Variants in SH3BP4 observed in about 807,000 individuals in gnomAD.
The protein encoded by SH3BP4 is SH3 domain binding protein 4.
In SH3BP4, 33 loss-of-function variants were observed where a neutral mutation model predicts 65.5. The observed-to-expected ratio is 0.50, with a 90% CI of 0.38 to 0.67. The LOEUF (loss-of-function observed/expected upper bound fraction) is 0.67. SH3BP4 is among the 30% of genes least tolerant of loss of function. SH3BP4 has a pLI of 0.00. For missense variants in SH3BP4, 1,134 were observed against 1,261.4 expected, an observed-to-expected ratio of 0.90 and a Z score of 1.53; for synonymous variants, 552 against 545.5, an observed-to-expected ratio of 1.01 and a Z score of -0.17.
At position 234,952,304 on chromosome 2, in the gene SH3BP4, C is replaced by A. The variant is rs1273336629; in HGVS notation, c.-207+134C>A. 6.6e-6 allele frequency: 1 copy of A among 150,484 alleles called. No individual in the cohort carries two copies. The highest frequency in any genetic ancestry group is 2.4e-5 in the African/African-American group (1 of 41,182). 9.3% of individuals were successfully genotyped at this position (150,484 alleles called of 1,614,324 possible). Reference sequence around the variant, plus strand: ...CCGCGGGCGCCGATCGTGCCACCGCCGCCTGAGTTCGGGGCTGCGCGGGTG... The same window carrying A: ...CCGCGGGCGCCGATCGTGCCACCGCAGCCTGAGTTCGGGGCTGCGCGGGTG... On this transcript the variant is annotated intron_variant, in intron 1 of 5. Coordinates refer to ENST00000392011, the MANE Select transcript of SH3BP4 (RefSeq NM_014521.3). This position sits in a 1 kb window ranked among gnomAD's most constrained non-coding sequence, Gnocchi z 6.5.
intron 2 of SH3BP4, among the ~76,000 whole-genome samples, chr2:235,005,367 C>T (rs1341005188): frequency 1.3e-5 from 2 of 152,094 alleles, no homozygotes; most frequent in East Asian, 1.9e-4. Context: ...CTGGGGCTCA[C>T]TCCGGCTCCC....
chr2:234,984,367 A>G (rs919491433), intron 1 of SH3BP4, among the ~76,000 whole-genome samples: 3 of 151,084 alleles, frequency 2.0e-5, no homozygotes, highest in Admixed American at 6.6e-5. Flanking sequence ...ATGCCTGGCT[A>G]ATTTTTTTTT....
chr2:234,957,123 C>A (rs150569241), intron 1 of SH3BP4, among the ~76,000 whole-genome samples: 249 of 152,262 alleles, frequency 1.6e-3, no homozygotes, highest in African/African-American at 5.7e-3. Context: ...CAGATTCAAG[C>A]TGTTCTCCTA....
rs899922608 is a variant in SH3BP4 at position 235,033,940 on chromosome 2, T to C, written c.-132-931T>C. Among the ~76,000 whole-genome samples, 3 of 152,270 alleles carry C rather than the reference T, an allele frequency of 2.0e-5. No individual in the cohort carries two copies. The highest frequency in any genetic ancestry group is 7.2e-5 in the African/African-American group (3 of 41,552). On this transcript the variant is annotated intron_variant, in intron 2 of 5. Coordinates refer to ENST00000392011, the MANE Select transcript of SH3BP4 (RefSeq NM_014521.3). The surrounding 1 kb of genome is among the most constrained non-coding windows in gnomAD (Gnocchi z 5.7). ...ACCATTGTATATGTGCCCAGTTATA[T>C]AGGGGTGAGATTTGCCTGCTCAGAG...
chr2:235,006,856 C>T (rs190565750), intron 2 of SH3BP4, among the ~76,000 whole-genome samples: 5 of 152,206 alleles, frequency 3.3e-5, no homozygotes, highest in East Asian at 3.9e-4. Flanking sequence ...GCAGGACCTC[C>T]GTGACAGCAG....
At chr2:234,987,713 AC>A (rs1378595365) in intron 1 of SH3BP4, among the ~76,000 whole-genome samples, 2 of 151,638 alleles carry the variant, frequency 1.3e-5, no homozygotes, top group African/African-American at 2.4e-5. Flanking sequence ...TAAAACCTTC[AC>A]CCCCCACAGC....
chr2:235,036,740 A>AAATAATAATAAT lies in SH3BP4; in HGVS notation c.118+1627_118+1638dup, dbSNP rs1553567054. On this transcript the variant is annotated intron_variant, in intron 3 of 5. Coordinates refer to ENST00000392011, the MANE Select transcript of SH3BP4 (RefSeq NM_014521.3). Reference sequence around the variant, plus strand: ...ACTGCACTCTGAGACTCTATATAAAAAATAATAATAATAATAATGACAGTG... The same window carrying AAATAATAATAAT: ...ACTGCACTCTGAGACTCTATATAAAAAATAATAATAATAATAATAATAATAATAATGACAGTG... Among the ~76,000 whole-genome samples the AAATAATAATAAT allele has an allele frequency of 2.1e-3, 295 of 141,758 alleles. 1 individual carries two copies. The highest frequency in any genetic ancestry group is 5.9e-3 in the African/African-American group (219 of 37,054). 93.0% of individuals were successfully genotyped at this position (141,758 alleles called of 152,430 possible).
chr2:234,978,623 C>A lies in SH3BP4; in HGVS notation c.-206-16680C>A, dbSNP rs542711119. ...TGGCATGATTGAATCAGTGCCAGAG[C>A]CAAACAGGATGTGGTTCTGGGCGAC... On this transcript the variant is annotated intron_variant, in intron 1 of 5. Transcript: ENST00000392011. The surrounding 1 kb of genome is among the most constrained non-coding windows in gnomAD (Gnocchi z 4.1). 1.3e-5 allele frequency: 2 copies of A among 152,286 alleles called. No homozygotes were observed. The highest frequency in any genetic ancestry group is 4.8e-5 in the African/African-American group (2 of 41,562). 9.4% of individuals were successfully genotyped at this position (152,286 alleles called of 1,614,324 possible). A position where few individuals can be genotyped will look rare whatever the true frequency, so the allele number is the denominator to read the frequency against.
chr2:235,051,497 T>C (rs543737601), intron 4 of SH3BP4, among the ~76,000 whole-genome samples: 93 of 152,348 alleles, frequency 6.1e-4, no homozygotes, highest in African/African-American at 2.1e-3. Flanking sequence ...CAGGGCTGTC[T>C]GTCCTATTAC....
At position 235,053,864 on chromosome 2, in the gene SH3BP4, C is replaced by A; in HGVS notation, c.*48C>A. On this transcript the variant is annotated 3_prime_UTR_variant, in exon 6 of 6. Coordinates refer to ENST00000392011, the MANE Select transcript of SH3BP4 (RefSeq NM_014521.3). The stretch of plus-strand genomic sequence containing the variant: ...GCTCTGGAGTGCAAGCCCTCTTCTG[C>A]CCTGCGTGCCCTGCTGTCACCGCGG... 7.0e-7 allele frequency: 1 copy of A among 1,423,120 alleles called. No homozygotes were observed. The highest frequency in any genetic ancestry group is 9.9e-7 in the Non-Finnish European group (1 of 1,008,098). 88.2% of individuals were successfully genotyped at this position (1,423,120 alleles called of 1,614,324 possible).
At chr2:234,953,320 A>G (rs1272610858) in intron 1 of SH3BP4, 1 of 152,240 alleles carries the variant, frequency 6.6e-6, no homozygotes, top group Non-Finnish European at 1.5e-5. Context: ...GCAGATTTGA[A>G]CATTAAGTTA....
chr2:235,050,815 G>A lies in SH3BP4; in HGVS notation c.2479-1747G>A, dbSNP rs549112680. On this transcript the variant is annotated intron_variant, in intron 4 of 5. Transcript: ENST00000392011. ...GGCACAAAATAGTTGGCCAAAGAGC[G>A]CCGGTACCAGCGGTGTGGTTGGCGG... 1.9e-3 allele frequency among the ~76,000 whole-genome samples: 290 copies of A among 152,226 alleles called. 3 individuals carry two copies. Among genetic ancestry groups the A allele is most frequent in the South Asian group, 0.013 (63 of 4,814 alleles).
At chr2:234,981,223 T>C (rs1322398468) in intron 1 of SH3BP4, among the ~76,000 whole-genome samples, 1 of 152,234 alleles carries the variant, frequency 6.6e-6, no homozygotes, top group African/African-American at 2.4e-5. Context: ...CTGTGTGTCC[T>C]GGTCTTTGGG....
chr2:234,969,321 A>G (rs1322922242), intron 1 of SH3BP4, among the ~76,000 whole-genome samples: 5 of 152,060 alleles, frequency 3.3e-5, no homozygotes, highest in Non-Finnish European at 7.4e-5. Context: ...GTCTGGGTCT[A>G]TGCTCCTTCC....
At chr2:235,043,279 G>C in intron 4 of SH3BP4, 32 bp downstream of exon 4, 1 of 1,518,000 alleles carries the variant, frequency 6.6e-7, no homozygotes, top group Non-Finnish European at 8.9e-7. Context: ...GGGCGTTCAG[G>C]GGTGCTGCTC....
rs761231702 is a variant in SH3BP4 at position 235,042,262 on chromosome 2, A to C, written c.1493A>C (p.Asp498Ala). Reference sequence around the variant, plus strand: ...ACGGTAGTGACCATTTTTGGGCATGACTGTGCCCCAAAGACGCTCCTGGTC... The same window carrying C: ...ACGGTAGTGACCATTTTTGGGCATGCCTGTGCCCCAAAGACGCTCCTGGTC... ...FKTVVTIFGH[D>A]CAPKTLLVSE... The change falls in exon 4 of 6, where the codon GAC (aspartate) becomes GCC (alanine). Residue 498 changes from aspartate (D) to alanine (A), a missense_variant. Asp to Ala is a moderately radical substitution (Grantham distance 126). Transcript: ENST00000392011. The surrounding 1 kb of genome is among the most constrained non-coding windows in gnomAD (Gnocchi z 7.3). 9 of 1,614,082 alleles carry C rather than the reference A, an allele frequency of 5.6e-6. No individual in the cohort carries two copies. In the East Asian group the frequency reaches 1.8e-4, roughly 32 times the overall value.
At chr2:235,039,534 A>T (rs913152376) in intron 3 of SH3BP4, among the ~76,000 whole-genome samples, 4 of 151,678 alleles carry the variant, frequency 2.6e-5, no homozygotes, top group African/African-American at 9.7e-5. Context: ...CTTTCTTTCA[A>T]TTGTTTATTA....
chr2:234,985,639 C>T (rs902729478), intron 1 of SH3BP4, among the ~76,000 whole-genome samples: 3 of 152,292 alleles, frequency 2.0e-5, no homozygotes, highest in South Asian at 4.1e-4. Context: ...TGACCCTCTG[C>T]GCACAGGTGT....
chr2:235,044,961 G>C (rs1695798304), intron 4 of SH3BP4, among the ~76,000 whole-genome samples: 1 of 152,194 alleles, frequency 6.6e-6, no homozygotes, highest in East Asian at 1.9e-4. Context: ...ACTGCACTTG[G>C]GTGGGGAGGA....
Sources: allele counts gnomAD v4.1 joint callset (sites outside exome capture counted in the v4.1 genomes callset), GRCh38; gene constraint gnomAD v4.1.1; non-coding constraint Gnocchi (gnomAD v3.1); transcripts MANE v1.5; gene names NCBI Gene and HGNC (gene_info 2026-07-23, HGNC 2026-07-21).